CAMTA1: variants seen among roughly 807,000 people sequenced by gnomAD.
CAMTA1 encodes the protein calmodulin binding transcription activator 1.
A neutral mutation model predicts 170.9 loss-of-function variants in CAMTA1; 27 were observed. The observed-to-expected ratio is 0.16, with a 90% confidence interval of 0.12 to 0.22. The LOEUF (loss-of-function observed/expected upper bound fraction) is 0.22, where lower values mean the gene tolerates loss of function less well. Among genes scored for constraint, CAMTA1 ranks in the 10% least tolerant of loss-of-function variants. The pLI, the probability that CAMTA1 is intolerant of heterozygous loss-of-function variation, is 1.00. For missense variants in CAMTA1, 1,619 were observed against 2,217.2 expected, an observed-to-expected ratio of 0.73 and a Z score of 5.42; for synonymous variants, 833 against 891.5, an observed-to-expected ratio of 0.93 and a Z score of 1.17.
chr1:6,974,233 C>T (rs926857177), intron 3 of CAMTA1, among the ~76,000 whole-genome samples: 1 of 152,134 alleles, frequency 6.6e-6, no homozygotes, highest in Non-Finnish European at 1.5e-5. Context: ...AGGGGAAACC[C>T]GGAGTCGGAG....
At chr1:6,828,323 C>T (rs1044717375) in intron 3 of CAMTA1, among the ~76,000 whole-genome samples, 1 of 116,618 alleles carries the variant, frequency 8.6e-6, no homozygotes, top group Non-Finnish European at 1.7e-5. Context: ...GGTGGAGTCT[C>T]ACTCTTTCAC....
At chr1:7,152,731 A>G (rs1347493121) in intron 4 of CAMTA1, among the ~76,000 whole-genome samples, 1 of 152,172 alleles carries the variant, frequency 6.6e-6, no homozygotes, top group East Asian at 1.9e-4. Context: ...TCCCCCTGGA[A>G]GAGAGGGTGG....
chr1:7,762,101 A>G (rs2096980482), intron 22 of CAMTA1, among the ~76,000 whole-genome samples: 2 of 152,204 alleles, frequency 1.3e-5, no homozygotes, highest in Non-Finnish European at 2.9e-5. Flanking sequence ...ACAGTGAGCT[A>G]TGACTGTTCC....
At chr1:7,052,486 A>G (rs1443258057) in intron 3 of CAMTA1, among the ~76,000 whole-genome samples, 1 of 152,078 alleles carries the variant, frequency 6.6e-6, no homozygotes, top group African/African-American at 2.4e-5. Context: ...CCTCAACACC[A>G]GAATCCAGGG....
At chr1:7,043,278 T>A (rs1033495870) in intron 3 of CAMTA1, among the ~76,000 whole-genome samples, 1 of 152,210 alleles carries the variant, frequency 6.6e-6, no homozygotes, top group Non-Finnish European at 1.5e-5. Flanking sequence ...CAAAGTCCAT[T>A]TCTGGCAGCA....
rs1461565851 is a variant in CAMTA1 at position 6,834,042 on chromosome 1, G to A, written c.234+8832G>A. Among the ~76,000 whole-genome samples, 3 of 151,978 alleles carry A rather than the reference G, an allele frequency of 2.0e-5. No homozygotes were observed. In the East Asian group the frequency reaches 5.8e-4, roughly 29 times the overall value. ...TCTTGGGTCTTAGGTGATGGCGCTT[G>A]GTGACCTTTGAAGATTTGTCTTTGA... On this transcript the variant is annotated intron_variant, in intron 3 of 22. Coordinates refer to ENST00000303635, the MANE Select transcript of CAMTA1 (RefSeq NM_015215.4).
intron 11 of CAMTA1, among the ~76,000 whole-genome samples, chr1:7,727,022 T>G (rs990236616): frequency 6.6e-6 from 1 of 152,216 alleles, no homozygotes; most frequent in Non-Finnish European, 1.5e-5. Flanking sequence ...CTCACCCTGT[T>G]GTCTTTGTTT....
At chr1:7,183,705 A>G (rs1366592300) in intron 4 of CAMTA1, among the ~76,000 whole-genome samples, 1 of 152,218 alleles carries the variant, frequency 6.6e-6, no homozygotes, top group African/African-American at 2.4e-5. Flanking sequence ...ACACTAGTAC[A>G]TGACAAAGGC....
At chr1:6,896,021 A>G (rs1675594130) in intron 3 of CAMTA1, among the ~76,000 whole-genome samples, 1 of 152,190 alleles carries the variant, frequency 6.6e-6, no homozygotes, top group African/African-American at 2.4e-5. Flanking sequence ...TGATTAAATC[A>G]GTGCAGGAGC....
chr1:7,728,322 G>A (rs913533970), intron 11 of CAMTA1, among the ~76,000 whole-genome samples: 2 of 152,232 alleles, frequency 1.3e-5, no homozygotes, highest in Non-Finnish European at 2.9e-5. Context: ...TGCGGGGACC[G>A]CACTGCAGCA....
chr1:7,214,331 G>A (rs1479813737), intron 4 of CAMTA1, among the ~76,000 whole-genome samples: 2 of 152,104 alleles, frequency 1.3e-5, no homozygotes, highest in Non-Finnish European at 2.9e-5. Flanking sequence ...TCTCATTGTG[G>A]TTTTGATTTG....
Position 7,300,315 on chromosome 1 carries a change from G to A in CAMTA1, c.438+50689G>A, listed in dbSNP as rs887033940. Among the ~76,000 whole-genome samples, 2 of 152,176 alleles carry A rather than the reference G, an allele frequency of 1.3e-5. No homozygotes were observed. The highest frequency in any genetic ancestry group is 4.8e-5 in the African/African-American group (2 of 41,426). On this transcript the variant is annotated intron_variant, in intron 5 of 22. Transcript: ENST00000303635. The surrounding 1 kb of genome is among the most constrained non-coding windows in gnomAD (Gnocchi z 4.1). ...CCCTTCCAGGCTCATTCCTGGTGCA[G>A]CAGATCACTTCCACATTTACTGCAT...
intron 5 of CAMTA1, among the ~76,000 whole-genome samples, chr1:7,363,331 C>T (rs191775176): frequency 6.6e-5 from 10 of 152,068 alleles, no homozygotes; most frequent in Admixed American, 2.0e-4. Context: ...TTTGTTAACA[C>T]CTTTAAGAGG....
chr1:7,160,471 GT>G (rs949470925), intron 4 of CAMTA1, among the ~76,000 whole-genome samples: 1 of 150,052 alleles, frequency 6.7e-6, no homozygotes, highest in South Asian at 2.1e-4. Flanking sequence ...TCTGAGCCCC[GT>G]TTTTTTTTCT....
At chr1:7,077,227 T>G (rs908402964) in intron 3 of CAMTA1, among the ~76,000 whole-genome samples, 1 of 148,048 alleles carries the variant, frequency 6.8e-6, no homozygotes, top group Admixed American at 6.6e-5. Context: ...AGGAAAGGTT[T>G]TTTTTTTTTT....
At chr1:7,428,643 T>C (rs543765033) in intron 5 of CAMTA1, among the ~76,000 whole-genome samples, 3 of 152,266 alleles carry the variant, frequency 2.0e-5, no homozygotes, top group South Asian at 4.2e-4. Flanking sequence ...CCAGAGCACC[T>C]GGCTCTTCCT....
intron 5 of CAMTA1, among the ~76,000 whole-genome samples, chr1:7,373,517 C>A (rs1318855021): frequency 6.6e-6 from 1 of 152,204 alleles, no homozygotes; most frequent in African/African-American, 2.4e-5. Context: ...GCTACGTGGC[C>A]TCCACACTGC....
chr1:7,329,558 C>G (rs979133746), intron 5 of CAMTA1, among the ~76,000 whole-genome samples: 3 of 152,140 alleles, frequency 2.0e-5, no homozygotes, highest in Non-Finnish European at 4.4e-5. Context: ...CGTGGCTAAT[C>G]TCTCTAGAAT....
rs868250323 is a variant in CAMTA1 at position 7,561,196 on chromosome 1, C to T, written c.511-79204C>T. ...TGAAGGGCTCCCAGCAAACCACAGC[C>T]GATCCAGGCAGGAAGAGCCCAACAG... On this transcript the variant is annotated intron_variant, in intron 6 of 22. Coordinates refer to ENST00000303635, the MANE Select transcript of CAMTA1 (RefSeq NM_015215.4). The surrounding 1 kb of genome is among the most constrained non-coding windows in gnomAD (Gnocchi z 5.3). 3.3e-5 allele frequency among the ~76,000 whole-genome samples: 5 copies of T among 152,002 alleles called. No homozygotes were observed. Among genetic ancestry groups the T allele is most frequent in the East Asian group, 1.9e-4 (1 of 5,130 alleles).
Sources: allele counts gnomAD v4.1 joint callset (sites outside exome capture counted in the v4.1 genomes callset), GRCh38; gene constraint gnomAD v4.1.1; non-coding constraint Gnocchi (gnomAD v3.1); transcripts MANE v1.5; gene names NCBI Gene and HGNC (gene_info 2026-07-23, HGNC 2026-07-21).